The following BAALC variants were observed in gnomAD, a reference collection of about 807,000 sequenced individuals.
BAALC encodes the protein brain and acute leukemia cytoplasmic protein.
Under a neutral mutation model 15.5 loss-of-function variants are expected in BAALC, and 9 were observed. The ratio of observed to expected loss-of-function variants is 0.58; its 90% confidence interval spans 0.35 to 1.02. The LOEUF is 1.02. BAALC is among the 50% of genes least tolerant of loss of function. The pLI is 0.02. For missense variants in BAALC, 201 were observed against 192.4 expected, an observed-to-expected ratio of 1.04 and a Z score of -0.27; for synonymous variants, 80 against 74.6, an observed-to-expected ratio of 1.07 and a Z score of -0.37.
chr8:103,196,292 G>GT (rs1812095951), intron 1 of BAALC, among the ~76,000 whole-genome samples: 1 of 151,826 alleles, frequency 6.6e-6, no homozygotes, highest in Non-Finnish European at 1.5e-5. Context: ...TATTGTTATC[G>GT]TTTTTTGAGA....
chr8:103,197,254 ATCTGG>A (rs1461294216), intron 1 of BAALC, among the ~76,000 whole-genome samples: 1 of 152,180 alleles, frequency 6.6e-6, no homozygotes, highest in Non-Finnish European at 1.5e-5. Context: ...AGTCTGGCAG[ATCTGG>A]GCGGAAGCCT....
In BAALC at chr8:103,147,853, T is replaced by C. The variant is rs561277494; in HGVS notation, c.160+6796T>C. Among the ~76,000 whole-genome samples the C allele has an allele frequency of 3.9e-5, 6 of 152,302 alleles. No individual in the cohort carries two copies. In the South Asian group the frequency reaches 1.2e-3, roughly 32 times the overall value. ...AGTCTATATGCCACATTTACTCTCCTCTGCAGAGCAGACTCGAGGGGTTTA... is the reference window on the plus strand; with the variant it reads ...AGTCTATATGCCACATTTACTCTCCCCTGCAGAGCAGACTCGAGGGGTTTA... On this transcript the variant is annotated intron_variant, in intron 1 of 2. Transcript: ENST00000309982.
At chr8:103,171,263 AAAG>A (rs1586395875) in intron 1 of BAALC, among the ~76,000 whole-genome samples, 1 of 145,178 alleles carries the variant, frequency 6.9e-6, no homozygotes, top group African/African-American at 2.5e-5. Flanking sequence ...GGAAGAAAGG[AAAG>A]AAGAGAAAAA....
At chr8:103,157,883 TATA>T (rs1811132850) in intron 1 of BAALC, among the ~76,000 whole-genome samples, 1 of 152,224 alleles carries the variant, frequency 6.6e-6, no homozygotes, top group South Asian at 2.1e-4. Flanking sequence ...GTTGAAATGG[TATA>T]ATATCAGCAA....
chr8:103,170,372 G>A (rs1811455490), intron 1 of BAALC, among the ~76,000 whole-genome samples: 1 of 152,080 alleles, frequency 6.6e-6, no homozygotes, highest in Non-Finnish European at 1.5e-5. Context: ...CCCAGTACAT[G>A]TGAGTGTGGC....
chr8:103,202,349 C>T (rs1169692681), intron 1 of BAALC, among the ~76,000 whole-genome samples: 1 of 152,166 alleles, frequency 6.6e-6, no homozygotes, highest in Non-Finnish European at 1.5e-5. Context: ...GACACAGACA[C>T]ACTCAGAGGG....
chr8:103,171,021 A>G (rs142925703), intron 1 of BAALC, among the ~76,000 whole-genome samples: 7 of 152,290 alleles, frequency 4.6e-5, no homozygotes, highest in African/African-American at 1.7e-4. Flanking sequence ...TAACTTTTAA[A>G]ATGCCAATCT....
At chr8:103,211,204 T>G (rs1812440796) in intron 1 of BAALC, among the ~76,000 whole-genome samples, 1 of 152,200 alleles carries the variant, frequency 6.6e-6, no homozygotes, top group East Asian at 1.9e-4. Context: ...CCCCTCAATC[T>G]TCTCTAGCCT....
At position 103,229,663 on chromosome 8, in the gene BAALC, T is replaced by C. The variant is rs1444095943; in HGVS notation, c.*1564T>C. On this transcript the variant is annotated 3_prime_UTR_variant, in exon 3 of 3. Transcript: ENST00000309982. ...AATTAGACCCTTAAGGTATAGTGTG[T>C]GTTGCAAATCACTCTGCAATGGAAA... The C allele has an allele frequency of 1.3e-5, 2 of 152,190 alleles. No individual in the cohort carries two copies. Among genetic ancestry groups the C allele is most frequent in the Admixed American group, 1.3e-4 (2 of 15,276 alleles). 9.4% of individuals were successfully genotyped at this position (152,190 alleles called of 1,614,324 possible). A position where few individuals can be genotyped will look rare whatever the true frequency, so the allele number is the denominator to read the frequency against.
intron 1 of BAALC, among the ~76,000 whole-genome samples, chr8:103,178,785 C>T (rs1006167046): frequency 6.6e-6 from 1 of 151,414 alleles, no homozygotes; most frequent in African/African-American, 2.4e-5. Flanking sequence ...TGAACTGGGA[C>T]CCAGGAGGCA....
At chr8:103,219,121 T>A (rs1812623764) in intron 2 of BAALC, among the ~76,000 whole-genome samples, 1 of 152,072 alleles carries the variant, frequency 6.6e-6, no homozygotes, top group Admixed American at 6.6e-5. Context: ...AAGGAAGGAA[T>A]TTAGCAATAC....
chr8:103,189,103 C>T (rs1563648295), intron 1 of BAALC, among the ~76,000 whole-genome samples: 1 of 152,080 alleles, frequency 6.6e-6, no homozygotes, highest in Admixed American at 6.5e-5. Context: ...GTAGTGTGTT[C>T]CCAATGAATA....
intron 1 of BAALC, among the ~76,000 whole-genome samples, chr8:103,210,635 G>C (rs1338720673): frequency 6.6e-6 from 1 of 152,158 alleles, no homozygotes; most frequent in African/African-American, 2.4e-5. Flanking sequence ...ATACCCCAAA[G>C]GAAAGAGAAA....
chr8:103,162,512 C>A (rs1210655862), intron 1 of BAALC, among the ~76,000 whole-genome samples: 2 of 152,198 alleles, frequency 1.3e-5, no homozygotes, highest in Non-Finnish European at 2.9e-5. Flanking sequence ...GGCTTCCTCA[C>A]AGCATGGTGG....
At chr8:103,170,346 T>G (rs758982534) in intron 1 of BAALC, among the ~76,000 whole-genome samples, 22 of 152,056 alleles carry the variant, frequency 1.4e-4, no homozygotes, top group Non-Finnish European at 3.1e-4. Context: ...CAGAAAGACA[T>G]GTTGAAGTCC....
chr8:103,145,366 C>A (rs754609550), intron 1 of BAALC, among the ~76,000 whole-genome samples: 6 of 152,316 alleles, frequency 3.9e-5, no homozygotes, highest in Non-Finnish European at 7.3e-5. Context: ...CATCTCTTAC[C>A]ATTGGTCTTC....
At chr8:103,187,910 G>A (rs141161144) in intron 1 of BAALC, among the ~76,000 whole-genome samples, 125 of 152,258 alleles carry the variant, frequency 8.2e-4, no homozygotes, top group African/African-American at 2.8e-3. Context: ...AGTGTCCAAG[G>A]AGTGCTGAAC....
intron 1 of BAALC, among the ~76,000 whole-genome samples, chr8:103,172,914 A>T (rs754602187): frequency 2.6e-5 from 4 of 152,246 alleles, no homozygotes; most frequent in Non-Finnish European, 5.9e-5. Context: ...AAAACAAAAA[A>T]TAATGATTTA....
rs141708707 is a variant in BAALC, at chr8:103,155,393, A to G, written c.160+14336A>G. On this transcript the variant is annotated intron_variant, in intron 1 of 2. Coordinates refer to ENST00000309982, the MANE Select transcript of BAALC (RefSeq NM_024812.3). ...GGGCACAGTCCAGGGCAGAGGGAGG[A>G]GTGGAATGGCTGTTGTAATAGGGGC... Among the ~76,000 whole-genome samples, 307 of 152,306 alleles carry G rather than the reference A, an allele frequency of 2.0e-3. 1 individual carries two copies. Among genetic ancestry groups the G allele is most frequent in the African/African-American group, 6.9e-3 (286 of 41,566 alleles).
Sources: allele counts gnomAD v4.1 joint callset (sites outside exome capture counted in the v4.1 genomes callset), GRCh38; gene constraint gnomAD v4.1.1; transcripts MANE v1.5; gene names NCBI Gene and HGNC (gene_info 2026-07-23, HGNC 2026-07-21).